Variants in FREM2 observed in about 807,000 individuals in gnomAD.
The protein encoded by FREM2 is FRAS1 related extracellular matrix 2.
Under a neutral mutation model 219.9 loss-of-function variants are expected in FREM2, and 119 were observed. The ratio of observed to expected loss-of-function variants is 0.54; its 90% confidence interval spans 0.47 to 0.63. FREM2 has a LOEUF of 0.63. Among genes scored for constraint, FREM2 ranks in the 30% least tolerant of loss-of-function variants. The pLI, the probability that FREM2 is intolerant of heterozygous loss-of-function variation, is 0.00. For synonymous variants in FREM2, 1,562 were observed against 1,522.8 expected (o/e 1.03, Z -0.60); for missense variants, 4,030 against 3,993.6 (o/e 1.01, Z -0.25).
intron 6 of FREM2, among the ~76,000 whole-genome samples, chr13:38,822,353 T>C (rs1005703892): frequency 4.7e-5 from 7 of 147,852 alleles, no homozygotes; most frequent in African/African-American, 1.3e-4. Context: ...CTTTCTTTTT[T>C]TTTTTTTTTT....
At chr13:38,813,056 T>C (rs933221860) in intron 6 of FREM2, among the ~76,000 whole-genome samples, 2 of 152,118 alleles carry the variant, frequency 1.3e-5, no homozygotes, top group African/African-American at 4.8e-5. Flanking sequence ...TTTTGATGGA[T>C]TCATCCTGTA....
rs1391036634 is a variant in FREM2, at chr13:38,802,224, G to A, written c.6019+17416G>A. ...CAGGTGTGGGAAACAGCAGATTATCGTGGGCCTGCCACCAGGGCAAGTGGG... is the reference window on the plus strand; with the variant it reads ...CAGGTGTGGGAAACAGCAGATTATCATGGGCCTGCCACCAGGGCAAGTGGG... On this transcript the variant is annotated intron_variant, in intron 6 of 23. Transcript: ENST00000280481. Among the ~76,000 whole-genome samples, 17 of 152,182 alleles carry A rather than the reference G, an allele frequency of 1.1e-4. No homozygotes were observed. In the South Asian group the frequency reaches 1.9e-3, roughly 17 times the overall value.
At chr13:38,810,180 A>G (rs1433011187) in intron 6 of FREM2, among the ~76,000 whole-genome samples, 1 of 152,074 alleles carries the variant, frequency 6.6e-6, no homozygotes, top group African/African-American at 2.4e-5. Context: ...TGTATCCTGC[A>G]ACTCTAATGA....
chr13:38,728,748 A>G (rs996922320), intron 2 of FREM2, among the ~76,000 whole-genome samples: 3 of 152,194 alleles, frequency 2.0e-5, no homozygotes, highest in African/African-American at 7.2e-5. Flanking sequence ...TCTACAAAAG[A>G]CCAGGCTCAT....
In FREM2 at chr13:38,688,237, T is replaced by A; in HGVS notation, c.893T>A (p.Leu298Ter). 6.2e-7 allele frequency: 1 copy of A among 1,613,786 alleles called. No individual in the cohort carries two copies. ...SRGAPVGSPA[L>*]KREHFQVLVR... ...GGGGCTCCTGTGGGCAGCCCTGCTT[T>A]GAAACGCGAGCACTTCCAGGTTCTG... The change falls in exon 1 of 24, where the codon TTG becomes TAG. Residue 298 changes from leucine to a stop codon, truncating the protein, a stop_gained. Coordinates refer to ENST00000280481, the MANE Select transcript of FREM2 (RefSeq NM_207361.6). LOFTEE classifies it high-confidence loss of function.
Position 38,689,259 on chromosome 13 carries a change from A to C in FREM2, c.1915A>C (p.Thr639Pro), listed in dbSNP as rs768812595. 1.2e-6 allele frequency: 2 copies of C among 1,614,090 alleles called. No individual in the cohort carries two copies. The highest frequency in any genetic ancestry group is 2.2e-5 in the South Asian group (2 of 91,082). The change falls in exon 1 of 24, where the codon ACA becomes CCA. Residue 639 changes from threonine (T) to proline (P), a missense_variant. Around this residue, in one of 2 missense-constraint regions of FREM2, gnomAD observed 3,102 missense variants for 2,950.7 expected, o/e 1.05. Transcript: ENST00000280481. ...GAAGGAGGGGGCATTTTATGAGCGA[A>C]CAGTGACAGAGTGGCAGCAGCAGGA... ...WRKEGAFYER[T>P]VTEWQQQDIT...
chr13:38,740,323 A>T (rs1430598364), intron 2 of FREM2, among the ~76,000 whole-genome samples: 1 of 152,202 alleles, frequency 6.6e-6, no homozygotes, highest in Non-Finnish European at 1.5e-5. Flanking sequence ...TAAACATTAA[A>T]GACTTGTAAT....
rs371323357 is a variant in FREM2 at position 38,692,182 on chromosome 13, A to G, written c.4838A>G (p.Glu1613Gly). The G allele has an allele frequency of 6.2e-7, 1 of 1,614,104 alleles. No homozygotes were observed. The highest frequency in any genetic ancestry group is 8.5e-7 in the Non-Finnish European group (1 of 1,180,042). Residue 1613 changes from glutamate to glycine, a missense_variant, in exon 1 of 24, where the codon GAA (glutamate) becomes GGA (glycine). Physicochemically the swap from Glu to Gly is moderately conservative, Grantham distance 98. Coordinates refer to ENST00000280481, the MANE Select transcript of FREM2 (RefSeq NM_207361.6). The part of the protein sequence containing the change: ...SYKHDGTESS[E>G]DSFSFTVTDG... ...AAACATGATGGCACTGAGTCAAGTG[A>G]AGATAGCTTCTCCTTCACAGTGACT...
At position 38,850,113 on chromosome 13, in the gene FREM2, G is replaced by A; in HGVS notation, c.6455G>A (p.Arg2152Lys). 3 of 1,613,950 alleles carry A rather than the reference G, an allele frequency of 1.9e-6. No homozygotes were observed. In the South Asian group the frequency reaches 3.3e-5, roughly 18 times the overall value. ...GGGCAGATAGTTACAATGATCCATAGGACTGGGGATGTCCAGTACAGATCT... is the reference window on the plus strand; with the variant it reads ...GGGCAGATAGTTACAATGATCCATAAGACTGGGGATGTCCAGTACAGATCT... ...SDGQIVTMIH[R>K]TGDVQYRSSV... The change falls in exon 9 of 24, where the codon AGG becomes AAG. Residue 2152 changes from arginine (R) to lysine (K), a missense_variant. Transcript: ENST00000280481.
At position 38,691,846 on chromosome 13, in the gene FREM2, A is replaced by C; in HGVS notation, c.4502A>C (p.Glu1501Ala). 6.2e-7 allele frequency: 1 copy of C among 1,614,164 alleles called. No individual in the cohort carries two copies. The highest frequency in any genetic ancestry group is 8.5e-7 in the Non-Finnish European group (1 of 1,180,038). ...KIYYIHTADD[E>A]VKMDSFEFQV... ...TACTACATCCACACAGCTGATGATG[A>C]AGTGAAAATGGACAGTTTTGAGTTT... is the stretch of plus-strand genomic sequence containing the variant. The change falls in exon 1 of 24, where the codon GAA becomes GCA. Residue 1501 changes from glutamate (E) to alanine (A), a missense_variant. By Grantham distance (107) the Glu-to-Ala change is moderately radical. This residue lies in a region of FREM2 where 3,102 missense variants were observed against 2,950.7 expected (regional missense o/e 1.05). Transcript: ENST00000280481.
In FREM2 at chr13:38,692,251, T is replaced by G; in HGVS notation, c.4907T>G (p.Phe1636Cys). 2 of 1,614,170 alleles carry G rather than the reference T, an allele frequency of 1.2e-6. No homozygotes were observed. Among genetic ancestry groups the G allele is most frequent in the Non-Finnish European group, 1.7e-6 (2 of 1,180,030 alleles). The change falls in exon 1 of 24, where the codon TTT (phenylalanine) becomes TGT (cysteine). Residue 1636 changes from phenylalanine (F) to cysteine (C), a missense_variant. Phe to Cys is a radical substitution (Grantham distance 205). Around this residue, in one of 2 missense-constraint regions of FREM2, gnomAD observed 3,102 missense variants for 2,950.7 expected, o/e 1.05. Coordinates refer to ENST00000280481, the MANE Select transcript of FREM2 (RefSeq NM_207361.6). ...TTCTATGTTTTTCCTGATACGGTGT[T>G]TGAAACAAGGAGACCCCAAGTGATG... ...TDFYVFPDTV[F>C]ETRRPQVMKI...
Position 38,886,095 on chromosome 13 carries a change from A to T in FREM2, c.*5308A>T, listed in dbSNP as rs966200098. ...TGTTTGGATCATCCTCTCAGATAAG[A>T]ATTGTCAGTATTGCACCTCAAGAAA... On this transcript the variant is annotated 3_prime_UTR_variant, in exon 24 of 24. Transcript: ENST00000280481. The T allele has an allele frequency of 6.6e-6, 1 of 152,138 alleles. No homozygotes were observed. The highest frequency in any genetic ancestry group is 1.5e-5 in the Non-Finnish European group (1 of 68,016). 9.4% of individuals were successfully genotyped at this position (152,138 alleles called of 1,614,324 possible).
chr13:38,812,048 A>T (rs1479441154), intron 6 of FREM2, among the ~76,000 whole-genome samples: 2 of 152,134 alleles, frequency 1.3e-5, no homozygotes, highest in Non-Finnish European at 2.9e-5. Context: ...GTATACAATG[A>T]CCTTCTTTGT....
chr13:38,852,653 A>G (rs1418956120), intron 11 of FREM2, among the ~76,000 whole-genome samples: 1 of 151,664 alleles, frequency 6.6e-6, no homozygotes. Context: ...GGAGCCACTT[A>G]GAGATGTCTT....
At chr13:38,837,797 C>CTTTTTTTTTTTTT (rs1324884346) in intron 6 of FREM2, among the ~76,000 whole-genome samples, 11 of 123,742 alleles carry the variant, frequency 8.9e-5, no homozygotes, top group Admixed American at 1.9e-4. Flanking sequence ...TTTGTTTTTG[C>CTTTTTTTTTTTTT]TTTCCATTTG....
chr13:38,803,702 A>G (rs184178347), intron 6 of FREM2, among the ~76,000 whole-genome samples: 1 of 150,026 alleles, frequency 6.7e-6, no homozygotes, highest in Non-Finnish European at 1.5e-5. Flanking sequence ...CAGGGGTTTT[A>G]GCTAAAGTGG....
intron 2 of FREM2, among the ~76,000 whole-genome samples, chr13:38,714,184 A>G (rs2496437): frequency 6.6e-6 from 1 of 152,120 alleles, no homozygotes; most frequent in Non-Finnish European, 1.5e-5. Context: ...GTGGCTGGTC[A>G]GTCACATATT....
chr13:38,880,297 G>A lies in FREM2; in HGVS notation c.9020G>A (p.Arg3007Gln), dbSNP rs759757673. Reference sequence around the variant, plus strand: ...TGTGCTTTCTAGGTCGCTCTAGGCCGAGAATGGTATATACATACGATCTAT... The same window carrying A: ...TGTGCTTTCTAGGTCGCTCTAGGCCAAGAATGGTATATACATACGATCTAT... The part of the protein sequence containing the change: ...STPLFQVALG[R>Q]EWYIHTIYTV... Residue 3007 changes from arginine to glutamine, a missense_variant, in exon 24 of 24, where the codon CGA becomes CAA. Physicochemically the swap from Arg to Gln is conservative, Grantham distance 43. Around this residue, in one of 2 missense-constraint regions of FREM2, gnomAD observed 928 missense variants for 1,042.9 expected, o/e 0.89. Coordinates refer to ENST00000280481, the MANE Select transcript of FREM2 (RefSeq NM_207361.6). 6.2e-6 allele frequency: 10 copies of A among 1,613,702 alleles called. No individual in the cohort carries two copies. Among genetic ancestry groups the A allele is most frequent in the Admixed American group, 3.3e-5 (2 of 59,984 alleles).
In FREM2 at chr13:38,760,207, A is replaced by G. The variant is rs544401746; in HGVS notation, c.5264-4097A>G. On this transcript the variant is annotated intron_variant, in intron 2 of 23. Coordinates refer to ENST00000280481, the MANE Select transcript of FREM2 (RefSeq NM_207361.6). ...GTGGGAATTCTAAATTTTCTATGAT[A>G]GTTACTTTGGGCCATCTCCCTGTCT... 1.1e-4 allele frequency among the ~76,000 whole-genome samples: 16 copies of G among 152,316 alleles called. No individual in the cohort carries two copies. The South Asian group carries it at 3.1e-3, about 30-fold the overall frequency.
Sources: gnomAD v4.1 joint callset for allele counts (sites outside exome capture counted in the v4.1 genomes callset) on GRCh38, gnomAD v4.1.1 for gene constraint, gnomAD v4.1.1 regional missense constraint, MANE v1.5 for transcripts, NCBI Gene and HGNC (gene_info 2026-07-23, HGNC 2026-07-21) for gene names.